Variants in GPC5 observed in about 807,000 individuals in gnomAD.
The protein encoded by GPC5 is glypican-5.
Under a neutral mutation model 53.9 loss-of-function variants are expected in GPC5, and 47 were observed. The observed-to-expected ratio is 0.87, with a 90% CI of 0.69 to 1.11. GPC5 has a LOEUF of 1.11. GPC5 is among the 50% of genes most tolerant of loss of function. The pLI, the probability that GPC5 is intolerant of heterozygous loss-of-function variation, is 0.00. For synonymous variants in GPC5, 286 were observed against 263.3 expected (o/e 1.09, Z -0.84); for missense variants, 748 against 713.1 (o/e 1.05, Z -0.56).
chr13:92,245,679 A>T (rs1395618871), intron 7 of GPC5, among the ~76,000 whole-genome samples: 2 of 152,154 alleles, frequency 1.3e-5, no homozygotes, highest in Non-Finnish European at 2.9e-5. Flanking sequence ...TGACATAGAT[A>T]CACAGATTTA....
At chr13:92,478,882 T>A (rs1879246216) in intron 7 of GPC5, among the ~76,000 whole-genome samples, 1 of 152,204 alleles carries the variant, frequency 6.6e-6, no homozygotes, top group African/African-American at 2.4e-5. Context: ...CTTTTTAATT[T>A]TTTTGTCCTA....
intron 2 of GPC5, among the ~76,000 whole-genome samples, chr13:91,658,672 T>A (rs912948515): frequency 6.6e-6 from 1 of 152,228 alleles, no homozygotes; most frequent in African/African-American, 2.4e-5. Flanking sequence ...TTAAGTAATC[T>A]CTGCCATTAT....
chr13:91,494,186 G>A (rs116412471), intron 2 of GPC5, among the ~76,000 whole-genome samples: 1,985 of 151,776 alleles, frequency 0.013, 35 homozygotes, highest in African/African-American at 0.042. Context: ...CACCGCGCCC[G>A]GTCTGTTTTC....
chr13:92,404,673 G>A (rs1875716736), intron 7 of GPC5, among the ~76,000 whole-genome samples: 1 of 131,990 alleles, frequency 7.6e-6, no homozygotes, highest in African/African-American at 2.9e-5. Flanking sequence ...GGAAACTGAG[G>A]CCTATACTGA....
intron 7 of GPC5, among the ~76,000 whole-genome samples, chr13:92,457,847 G>A (rs1202743662): frequency 2.6e-5 from 4 of 152,022 alleles, no homozygotes; most frequent in East Asian, 3.9e-4. Context: ...TGACCCTTAC[G>A]GTTAATCTAG....
At chr13:91,833,304 C>T (rs1212701749) in intron 5 of GPC5, among the ~76,000 whole-genome samples, 2 of 152,134 alleles carry the variant, frequency 1.3e-5, no homozygotes, top group Admixed American at 6.5e-5. Flanking sequence ...CAGCCGAATT[C>T]TACCAGAGGT....
chr13:92,800,044 A>T (rs1227616000), intron 7 of GPC5, among the ~76,000 whole-genome samples: 1 of 151,830 alleles, frequency 6.6e-6, no homozygotes, highest in East Asian at 1.9e-4. Context: ...ATGACTAGAT[A>T]ACCACTTTTT....
At chr13:92,280,744 A>C (rs960630361) in intron 7 of GPC5, among the ~76,000 whole-genome samples, 1 of 152,144 alleles carries the variant, frequency 6.6e-6, no homozygotes, top group Non-Finnish European at 1.5e-5. Flanking sequence ...TTCTTATAAG[A>C]AAATATGACG....
At chr13:91,691,352 C>A (rs1363803003) in intron 2 of GPC5, among the ~76,000 whole-genome samples, 3 of 152,146 alleles carry the variant, frequency 2.0e-5, no homozygotes, top group Non-Finnish European at 4.4e-5. Context: ...AGAGACCTGA[C>A]AATCTGTATT....
chr13:92,430,091 C>A (rs1291810668), intron 7 of GPC5, among the ~76,000 whole-genome samples: 1 of 148,002 alleles, frequency 6.8e-6, no homozygotes, highest in Non-Finnish European at 1.5e-5. Context: ...TAAATAGATA[C>A]AACTTTTAGT....
chr13:91,415,908 T>A (rs1878186792), intron 1 of GPC5, among the ~76,000 whole-genome samples: 1 of 152,210 alleles, frequency 6.6e-6, no homozygotes, highest in African/African-American at 2.4e-5. Flanking sequence ...TATAGCATTT[T>A]ATCACATTAA....
chr13:92,341,965 G>A (rs145743818), intron 7 of GPC5, among the ~76,000 whole-genome samples: 3 of 152,198 alleles, frequency 2.0e-5, no homozygotes, highest in Non-Finnish European at 4.4e-5. Flanking sequence ...GTTTTGTTAC[G>A]TAGGACATAC....
chr13:92,663,856 CTATATATATATATATAT>C (rs1302814139), intron 7 of GPC5, among the ~76,000 whole-genome samples: 4 of 88,340 alleles, frequency 4.5e-5, no homozygotes, highest in Admixed American at 1.2e-4. Context: ...CACACACACA[CTATATATATATATATAT>C]ATATATATAT....
At chr13:91,958,076 T>C (rs981508965) in intron 6 of GPC5, among the ~76,000 whole-genome samples, 2 of 151,686 alleles carry the variant, frequency 1.3e-5, no homozygotes, top group African/African-American at 2.4e-5. Flanking sequence ...TTAAATGATA[T>C]AGACTGGTTG....
chr13:91,670,670 T>C (rs896861034), intron 2 of GPC5, among the ~76,000 whole-genome samples: 3 of 152,162 alleles, frequency 2.0e-5, no homozygotes, highest in Non-Finnish European at 4.4e-5. Context: ...AGTCTATAAA[T>C]TGGAATACTC....
chr13:92,623,915 C>T (rs1170644563), intron 7 of GPC5, among the ~76,000 whole-genome samples: 2 of 151,860 alleles, frequency 1.3e-5, no homozygotes, highest in Non-Finnish European at 2.9e-5. Flanking sequence ...AGTGCAGTGG[C>T]GCGATCTCGA....
intron 7 of GPC5, chr13:92,447,750 A>G (rs1877887137): frequency 6.6e-6 from 1 of 152,136 alleles, no homozygotes; most frequent in African/African-American, 2.4e-5. Flanking sequence ...ATGACCTCTG[A>G]TTACCAGGAA....
intron 2 of GPC5, among the ~76,000 whole-genome samples, chr13:91,517,841 A>G (rs1292786296): frequency 2.0e-5 from 3 of 152,200 alleles, no homozygotes; most frequent in African/African-American, 7.2e-5. Flanking sequence ...AGGAAGAAGC[A>G]AAAGTGGACA....
intron 6 of GPC5, among the ~76,000 whole-genome samples, chr13:92,112,907 T>A (rs2041569758): frequency 6.6e-6 from 1 of 152,118 alleles, no homozygotes; most frequent in Non-Finnish European, 1.5e-5. Flanking sequence ...TTATGCCTAT[T>A]TACATAAAAG....
Sources: gnomAD v4.1 joint callset for allele counts (sites outside exome capture counted in the v4.1 genomes callset) on GRCh38, gnomAD v4.1.1 for gene constraint, MANE v1.5 for transcripts, NCBI Gene and HGNC (gene_info 2026-07-23, HGNC 2026-07-21) for gene names.